Variants in RANBP17 observed in about 807,000 individuals in gnomAD.
The protein encoded by RANBP17 is RAN binding protein 17, also known as ran-binding protein 17.
In RANBP17, 158 loss-of-function variants were observed where a neutral mutation model predicts 141.2. That is an observed-to-expected ratio of 1.12 (90% CI 0.98 to 1.28). The LOEUF (loss-of-function observed/expected upper bound fraction) is 1.28, where lower values mean the gene tolerates loss of function less well. Among genes scored for constraint, RANBP17 ranks in the 50% most tolerant of loss-of-function variants. The pLI, the probability that RANBP17 is intolerant of heterozygous loss-of-function variation, is 0.00. For missense variants in RANBP17, 1,438 were observed against 1,290.7 expected, an observed-to-expected ratio of 1.11 and a Z score of -1.75; for synonymous variants, 430 against 450.0, an observed-to-expected ratio of 0.96 and a Z score of 0.56.
At chr5:171,152,493 G>C (rs1241554443) in intron 14 of RANBP17, among the ~76,000 whole-genome samples, 1 of 151,540 alleles carries the variant, frequency 6.6e-6, no homozygotes, top group Non-Finnish European at 1.5e-5. Context: ...AATGTAGTCA[G>C]ACAAATCTTA....
chr5:170,940,212 A>G (rs1203833312), intron 12 of RANBP17, among the ~76,000 whole-genome samples: 4 of 152,200 alleles, frequency 2.6e-5, no homozygotes, highest in Admixed American at 1.3e-4. Flanking sequence ...CTATGCAAAT[A>G]TGAACGTATA....
intron 14 of RANBP17, among the ~76,000 whole-genome samples, chr5:171,084,870 T>G: frequency 4.1e-5 from 1 of 24,164 alleles, no homozygotes; most frequent in Non-Finnish European, 8.4e-5. Flanking sequence ...TAGCCCTTTG[T>G]CAGATGAGTA....
At chr5:170,988,660 T>C (rs1451828284) in intron 14 of RANBP17, among the ~76,000 whole-genome samples, 1 of 151,702 alleles carries the variant, frequency 6.6e-6, no homozygotes, top group Non-Finnish European at 1.5e-5. Flanking sequence ...ATATTTTCCC[T>C]GATAAAAGAT....
intron 5 of RANBP17, among the ~76,000 whole-genome samples, chr5:170,900,002 A>C (rs891656104): frequency 6.6e-6 from 1 of 151,856 alleles, no homozygotes; most frequent in East Asian, 1.9e-4. Flanking sequence ...CTCTGCCAGG[A>C]TTTGGTATCA....
intron 1 of RANBP17, among the ~76,000 whole-genome samples, chr5:170,862,676 G>A (rs979526539): frequency 9.2e-5 from 14 of 152,028 alleles, no homozygotes; most frequent in Non-Finnish European, 1.8e-4. Context: ...GCGGGCGCGG[G>A]CGCGGACGCG....
intron 14 of RANBP17, among the ~76,000 whole-genome samples, chr5:170,999,487 T>G (rs1453860215): frequency 6.6e-6 from 1 of 152,182 alleles, no homozygotes; most frequent in African/African-American, 2.4e-5. Flanking sequence ...GTACCTATAA[T>G]GCTATTAAAC....
At chr5:170,905,626 G>A (rs1284808993) in intron 5 of RANBP17, among the ~76,000 whole-genome samples, 1 of 152,046 alleles carries the variant, frequency 6.6e-6, no homozygotes, top group African/African-American at 2.4e-5. Flanking sequence ...ATAGGTATCT[G>A]TTAATAATAC....
chr5:170,889,080 T>C (rs907188844), intron 3 of RANBP17, among the ~76,000 whole-genome samples: 1 of 151,982 alleles, frequency 6.6e-6, no homozygotes, highest in Non-Finnish European at 1.5e-5. Flanking sequence ...TGTAGTTTCT[T>C]TTTGTTCCAT....
At chr5:171,004,320 A>T (rs1779429080) in intron 14 of RANBP17, among the ~76,000 whole-genome samples, 1 of 152,190 alleles carries the variant, frequency 6.6e-6, no homozygotes, top group Non-Finnish European at 1.5e-5. Flanking sequence ...GCTGCAGTCC[A>T]GGAATAATCA....
intron 2 of RANBP17, among the ~76,000 whole-genome samples, chr5:170,881,031 T>C (rs966888467): frequency 1.3e-5 from 2 of 152,252 alleles, no homozygotes; most frequent in Non-Finnish European, 2.9e-5. Context: ...TGAATGAGCA[T>C]GGCTGTGTTT....
intron 3 of RANBP17, among the ~76,000 whole-genome samples, chr5:170,890,230 T>A (rs528394326): frequency 1.3e-5 from 2 of 152,332 alleles, no homozygotes; most frequent in East Asian, 3.9e-4. Flanking sequence ...AAAAGTGTAA[T>A]TGAAGTAAAT....
intron 14 of RANBP17, among the ~76,000 whole-genome samples, chr5:170,985,196 A>G (rs1778065592): frequency 6.6e-6 from 1 of 152,028 alleles, no homozygotes; most frequent in Admixed American, 6.6e-5. Flanking sequence ...AATATCTACC[A>G]AAAGTTAGAA....
chr5:171,124,517 T>C (rs1270392658), intron 14 of RANBP17, among the ~76,000 whole-genome samples: 1 of 152,072 alleles, frequency 6.6e-6, no homozygotes, highest in Non-Finnish European at 1.5e-5. Flanking sequence ...TACAGGAAAC[T>C]CAAAGATCCC....
chr5:171,166,603 T>G (rs1023809600), intron 14 of RANBP17, among the ~76,000 whole-genome samples: 1 of 152,196 alleles, frequency 6.6e-6, no homozygotes, highest in Admixed American at 6.5e-5. Context: ...TGTAGAAGAC[T>G]TTCATTGACC....
Position 171,170,122 on chromosome 5 carries a change from T to C in RANBP17, c.1711-8T>C. 6.7e-7 allele frequency: 1 copy of C among 1,485,206 alleles called. No homozygotes were observed. Among genetic ancestry groups the C allele is most frequent in the East Asian group, 2.3e-5 (1 of 42,668 alleles). The allele number at this position is 1,485,206 out of a possible 1,614,324, so 92.0% of individuals were successfully genotyped here. On this transcript the variant is annotated splice_polypyrimidine_tract_variant and splice_region_variant and intron_variant, in intron 14 of 27. Coordinates refer to ENST00000523189, the MANE Select transcript of RANBP17 (RefSeq NM_022897.5). ...TAAAACTTTTAACAATGAAATGTTT[T>C]AATGCAGGTATATGCTCGTATGTCA...
chr5:171,224,272 C>G (rs1763757025), intron 22 of RANBP17, among the ~76,000 whole-genome samples: 2 of 152,360 alleles, frequency 1.3e-5, no homozygotes, highest in East Asian at 3.9e-4. Flanking sequence ...ATAAGAATCT[C>G]TTAGTAATCA....
intron 14 of RANBP17, among the ~76,000 whole-genome samples, chr5:171,105,829 C>T (rs924333096): frequency 1.3e-5 from 2 of 152,146 alleles, no homozygotes. Flanking sequence ...AGGTTCTCTG[C>T]AGCAGACCAT....
At chr5:171,242,645 T>G (rs1487351783) in intron 23 of RANBP17, 37 bp from the exon 24 acceptor site, 1 of 1,601,418 alleles carries the variant, frequency 6.2e-7, no homozygotes, top group Non-Finnish European at 8.5e-7. Context: ...ATTTTTCTTC[T>G]CTGTGGCTTG....
intron 14 of RANBP17, among the ~76,000 whole-genome samples, chr5:170,983,431 A>G (rs1203357774): frequency 6.6e-6 from 1 of 152,226 alleles, no homozygotes; most frequent in Non-Finnish European, 1.5e-5. Context: ...TTTGTGCACA[A>G]AAGGGAATTG....
Sources: allele counts gnomAD v4.1 joint callset (sites outside exome capture counted in the v4.1 genomes callset), GRCh38; gene constraint gnomAD v4.1.1; transcripts MANE v1.5; gene names NCBI Gene and HGNC (gene_info 2026-07-23, HGNC 2026-07-21).